RPL7A: variants seen among roughly 807,000 people sequenced by gnomAD.
RPL7A encodes the protein ribosomal protein L7a.
For missense variants in RPL7A, 291 were observed against 338.2 expected (o/e 0.86, Z 1.09); for synonymous variants, 158 against 128.2 (o/e 1.23, Z -1.57).
chr9:133,348,701 C>T (rs2129980110), intron 1 of RPL7A: 17 of 748,982 alleles, frequency 2.3e-5, no homozygotes, highest in South Asian at 1.8e-4. Context: ...CGGGCTTAGC[C>T]TTGCTCTGGC....
chr9:133,350,865 A>C (rs1385160696), intron 6 of RPL7A, 137 bp from the exon 7 acceptor site: 1 of 1,503,914 alleles, frequency 6.6e-7, no homozygotes, highest in Admixed American at 1.7e-5. Context: ...ATGGTTAAGA[A>C]TTTCTTCACC....
intron 2 of RPL7A, 63 bp from the exon 3 acceptor site, chr9:133,349,488 G>A (rs1205969820): frequency 5.6e-6 from 9 of 1,604,096 alleles, no homozygotes; most frequent in Non-Finnish European, 7.7e-6. Flanking sequence ...CCTTCCTAGT[G>A]GCCCCAGACA....
chr9:133,348,674 C>G, intron 1 of RPL7A: 3 of 700,780 alleles, frequency 4.3e-6, no homozygotes, highest in Non-Finnish European at 7.9e-6. Context: ...GTGGGCGACG[C>G]GAAGAGAGCG....
intron 5 of RPL7A, 105 bp from the exon 6 acceptor site, chr9:133,350,492 G>C: frequency 6.3e-7 from 1 of 1,580,750 alleles, no homozygotes; most frequent in Non-Finnish European, 8.7e-7. Flanking sequence ...ATTCAACCTT[G>C]AAGTGCGAAT....
intron 2 of RPL7A, 68 bp from the exon 3 acceptor site, chr9:133,349,483 C>T (rs1564343857): frequency 6.3e-7 from 1 of 1,598,096 alleles, no homozygotes; most frequent in Non-Finnish European, 8.6e-7. Context: ...AACACCCTTC[C>T]TAGTGGCCCC....
intron 1 of RPL7A, 69 bp from the exon 2 acceptor site, chr9:133,348,853 C>T (rs2129981527): frequency 3.1e-6 from 5 of 1,612,140 alleles, no homozygotes; most frequent in East Asian, 2.2e-5. Context: ...TTGGAGGAGC[C>T]AGCCTGAGCC....
chr9:133,351,244 C>T lies in RPL7A; in HGVS notation c.697-18C>T, dbSNP rs200683233. On this transcript the variant is annotated intron_variant, in intron 7 of 7. Coordinates refer to ENST00000323345, the MANE Select transcript of RPL7A (RefSeq NM_000972.3). ...GAAAACAGTAAGCCAAGCTAACTGC[C>T]TCTTTTTGTCTTTTCAGATCCGCCG... 72 of 1,609,464 alleles carry T rather than the reference C, an allele frequency of 4.5e-5. No individual in the cohort carries two copies. The highest frequency in any genetic ancestry group is 5.8e-5 in the Non-Finnish European group (68 of 1,175,848).
Position 133,349,539 on chromosome 9 carries a change from T to A in RPL7A, c.125-12T>A. 1 of 1,614,040 alleles carries A rather than the reference T, an allele frequency of 6.2e-7. No individual in the cohort carries two copies. Among genetic ancestry groups the A allele is most frequent in the Non-Finnish European group, 8.5e-7 (1 of 1,179,944 alleles). ...ATTTGAGCCTCACTCGGTGTCACCC[T>A]TTACTTCTCAGGACAGGACATCCAG... On this transcript the variant is annotated splice_polypyrimidine_tract_variant and intron_variant, in intron 2 of 7. Coordinates refer to ENST00000323345, the MANE Select transcript of RPL7A (RefSeq NM_000972.3).
In RPL7A at chr9:133,349,572, G is replaced by A; in HGVS notation, c.146G>A (p.Arg49Lys). ...FGIGQDIQPK[R>K]DLTRFVKWPR... ...TCAGGACAGGACATCCAGCCCAAAAGAGACCTCACCCGCTTTGTGAAATGG... is the reference window on the plus strand; with the variant it reads ...TCAGGACAGGACATCCAGCCCAAAAAAGACCTCACCCGCTTTGTGAAATGG... Residue 49 changes from arginine (R) to lysine (K), a missense_variant, in exon 3 of 8, where the codon AGA becomes AAA. Transcript: ENST00000323345. 2 of 1,614,096 alleles carry A rather than the reference G, an allele frequency of 1.2e-6. No homozygotes were observed. The highest frequency in any genetic ancestry group is 1.7e-6 in the Non-Finnish European group (2 of 1,180,000).
rs2129983878 is a variant in RPL7A at position 133,349,167 on chromosome 9, C to T, written c.124+125C>T. 633 of 1,165,652 alleles carry T rather than the reference C, an allele frequency of 5.4e-4. 2 individuals are homozygous for T. The highest frequency in any genetic ancestry group is 7.3e-4 in the Non-Finnish European group (589 of 807,982). 72.2% of individuals were successfully genotyped at this position (1,165,652 alleles called of 1,614,324 possible). ...TGGTCGCAGTCCTTAATTTGTGTCT[C>T]TTAGAGACGGGGGCAATGATACATG... On this transcript the variant is annotated intron_variant, in intron 2 of 7. Coordinates refer to ENST00000323345, the MANE Select transcript of RPL7A (RefSeq NM_000972.3).
chr9:133,349,405 T>C (rs1202196141), intron 2 of RPL7A, 146 bp from the exon 3 acceptor site: 1 of 1,031,830 alleles, frequency 9.7e-7, no homozygotes, highest in South Asian at 1.3e-5. Context: ...GTGCAGATGA[T>C]GTAAAAGAAT....
chr9:133,349,744 C>T (rs2129988347), intron 3 of RPL7A, 44 bp downstream of exon 3: 2 of 1,607,558 alleles, frequency 1.2e-6, no homozygotes, highest in African/African-American at 1.3e-5. Flanking sequence ...GGCAAGGATT[C>T]CTTATTTCAT....
intron 7 of RPL7A, 63 bp from the exon 8 acceptor site, chr9:133,351,199 T>G: frequency 6.4e-7 from 1 of 1,566,922 alleles, no homozygotes; most frequent in Non-Finnish European, 8.8e-7. Context: ...TTAACGCAAC[T>G]AATAACCTTG....
rs2129987507 is a variant in RPL7A, at chr9:133,349,620, G to A, written c.194G>A (p.Arg65Gln). The change falls in exon 3 of 8, where the codon CGG becomes CAG. Residue 65 changes from arginine to glutamine, a missense_variant. By Grantham distance (43) the Arg-to-Gln change is conservative. Coordinates refer to ENST00000323345, the MANE Select transcript of RPL7A (RefSeq NM_000972.3). Reference sequence around the variant, plus strand: ...TGGCCCCGCTATATCAGGTTGCAGCGGCAGAGAGCCATCCTCTATAAGCGG... The same window carrying A: ...TGGCCCCGCTATATCAGGTTGCAGCAGCAGAGAGCCATCCTCTATAAGCGG... ...VKWPRYIRLQ[R>Q]QRAILYKRLK... 52 of 1,613,910 alleles carry A rather than the reference G, an allele frequency of 3.2e-5. No individual in the cohort carries two copies. The highest frequency in any genetic ancestry group is 4.4e-5 in the South Asian group (4 of 91,084).
In RPL7A at chr9:133,351,078, G is replaced by A. The variant is rs1836385639; in HGVS notation, c.696+7G>A. ...CAATGACAGATACGATGAGGTAAGAGGCAGCTTTACACCAAAATACTGTCA... is the reference window on the plus strand; with the variant it reads ...CAATGACAGATACGATGAGGTAAGAAGCAGCTTTACACCAAAATACTGTCA... On this transcript the variant is annotated splice_region_variant and intron_variant, in intron 7 of 7. Transcript: ENST00000323345. 1.2e-6 allele frequency: 2 copies of A among 1,613,216 alleles called. No individual in the cohort carries two copies. The highest frequency in any genetic ancestry group is 1.3e-5 in the African/African-American group (1 of 74,800).
chr9:133,351,131 G>C (rs1293465471), intron 7 of RPL7A, 60 bp downstream of exon 7: 4 of 1,584,464 alleles, frequency 2.5e-6, no homozygotes, highest in East Asian at 4.5e-5. Context: ...CAAATAACTG[G>C]CTGGCTTAAC....
chr9:133,348,286 C>T (rs2129977757), intron 1 of RPL7A, 40 bp downstream of exon 1: 6 of 1,613,994 alleles, frequency 3.7e-6, no homozygotes, highest in Admixed American at 3.3e-5. Flanking sequence ...AGCCAGGTTC[C>T]GGCTGTATCC....
chr9:133,349,459 A>G, intron 2 of RPL7A, 92 bp from the exon 3 acceptor site: 3 of 1,486,878 alleles, frequency 2.0e-6, no homozygotes, highest in East Asian at 2.3e-5. Context: ...AACCACCAAG[A>G]TCGCTGATGC....
intron 2 of RPL7A, 134 bp downstream of exon 2, chr9:133,349,176 G>T: frequency 5.6e-6 from 6 of 1,066,888 alleles, no homozygotes; most frequent in Non-Finnish European, 4.2e-6. Flanking sequence ...TCTTAGAGAC[G>T]GGGGCAATGA....
Sources: allele counts gnomAD v4.1 joint callset, GRCh38; gene constraint gnomAD v4.1.1; transcripts MANE v1.5; gene names NCBI Gene and HGNC (gene_info 2026-07-23, HGNC 2026-07-21).